CRACDL: variants seen among roughly 807,000 people sequenced by gnomAD.
CRACDL encodes CRACD-like protein.
A neutral mutation model predicts 70.6 loss-of-function variants in CRACDL; 26 were observed. That is an observed-to-expected ratio of 0.37 (90% CI 0.27 to 0.51). The LOEUF (loss-of-function observed/expected upper bound fraction) is 0.51. CRACDL is among the 20% of genes least tolerant of loss of function. CRACDL has a pLI of 0.94. For missense variants in CRACDL, 1,283 were observed against 1,376.9 expected (o/e 0.93, Z 1.08); for synonymous variants, 618 against 615.2 (o/e 1.00, Z -0.07).
chr2:98,871,897 T>A (rs993650717), intron 1 of CRACDL, among the ~76,000 whole-genome samples: 11 of 152,042 alleles, frequency 7.2e-5, no homozygotes, highest in Admixed American at 2.0e-4. Context: ...GAGTATGCAA[T>A]AGCAAAGTCA....
intron 1 of CRACDL, among the ~76,000 whole-genome samples, chr2:98,862,956 C>A (rs1184018113): frequency 1.3e-5 from 2 of 151,906 alleles, no homozygotes; most frequent in African/African-American, 4.8e-5. Context: ...ATACATATAT[C>A]TATATATACA....
chr2:98,819,617 C>A (rs1281001353), intron 7 of CRACDL, among the ~76,000 whole-genome samples: 1 of 152,118 alleles, frequency 6.6e-6, no homozygotes, highest in Non-Finnish European at 1.5e-5. Context: ...CCTTGTGTGT[C>A]ACGTTAGGAA....
rs565509770 is a variant in CRACDL, at chr2:98,832,083, C to A, written c.540+265G>T. ...CTGCTCAGACAGGAAAGTCAAGGGA[C>A]AGGGTTGATTCTGGGTTGATTCTAT... On this transcript the variant is annotated intron_variant, in intron 5 of 9. Coordinates refer to ENST00000397899, the MANE Select transcript of CRACDL (RefSeq NM_207362.3). Among the ~76,000 whole-genome samples the A allele has an allele frequency of 2.6e-5, 4 of 152,288 alleles. No individual in the cohort carries two copies. The South Asian group carries it at 6.2e-4, about 24-fold the overall frequency.
Position 98,822,472 on chromosome 2 carries a change from C to A in CRACDL, c.1801G>T (p.Ala601Ser). 2.0e-6 allele frequency: 3 copies of A among 1,474,364 alleles called. No individual in the cohort carries two copies. Among genetic ancestry groups the A allele is most frequent in the South Asian group, 1.3e-5 (1 of 78,096 alleles). 91.3% of individuals were successfully genotyped at this position (1,474,364 alleles called of 1,614,324 possible). ...LERASGRLPLARSGPVWRSEA... is the reference protein window; with the variant it reads ...LERASGRLPLSRSGPVWRSEA... ...CTCCTCCAGACCGGGCCGCTCCTCG[C>A]GAGGGGCAGGCGGCCGCTGGCCCGT... Residue 601 changes from alanine to serine, a missense_variant, in exon 7 of 10, where the codon GCG (alanine) becomes TCG (serine). Physicochemically the swap from Ala to Ser is moderately conservative, Grantham distance 99. Transcript: ENST00000397899. The surrounding 1 kb of genome is among the most constrained non-coding windows in gnomAD (Gnocchi z 4.9).
chr2:98,838,461 A>G (rs952481897), intron 2 of CRACDL, among the ~76,000 whole-genome samples, 174 bp from the exon 3 acceptor site: 4 of 152,210 alleles, frequency 2.6e-5, no homozygotes, highest in African/African-American at 9.7e-5. Context: ...AGTTTTGCAT[A>G]CCTGAAAACA....
At chr2:98,845,962 G>T (rs1488299180) in intron 2 of CRACDL, among the ~76,000 whole-genome samples, 1 of 152,126 alleles carries the variant, frequency 6.6e-6, no homozygotes, top group Non-Finnish European at 1.5e-5. Flanking sequence ...TAGCAGCTAG[G>T]ATTTAATATT....
chr2:98,870,583 C>T (rs1469862902), intron 1 of CRACDL, among the ~76,000 whole-genome samples: 1 of 152,058 alleles, frequency 6.6e-6, no homozygotes, highest in African/African-American at 2.4e-5. Context: ...GGTGCAGGGG[C>T]CCCTGCAGCA....
At chr2:98,877,143 G>A (rs943697092) in intron 1 of CRACDL, among the ~76,000 whole-genome samples, 18 of 152,170 alleles carry the variant, frequency 1.2e-4, no homozygotes, top group Admixed American at 9.2e-4. Context: ...TTGGCTAGAC[G>A]CTTGCTGCCT....
chr2:98,857,207 A>C (rs1706734045), intron 1 of CRACDL, among the ~76,000 whole-genome samples: 2 of 152,226 alleles, frequency 1.3e-5, no homozygotes, highest in Non-Finnish European at 2.9e-5. Flanking sequence ...CATTGGAGTA[A>C]GAAAATGACA....
chr2:98,832,907 C>T lies in CRACDL; in HGVS notation c.330G>A (p.Arg110=). The change falls in exon 4 of 10, where the codon CGG becomes CGA. Residue 110 remains arginine, a synonymous_variant. Transcript: ENST00000397899. The part of the protein sequence containing the change: ...ESGQDATRPV[R]VFSQENVCDR... The stretch of plus-strand genomic sequence containing the variant: ...CACACACATTTTCTTGGGAAAACAC[C>T]CGCACAGGCCGAGTAGCGTCCTGTC... The T allele has an allele frequency of 6.2e-7, 1 of 1,614,166 alleles. No individual in the cohort carries two copies. The highest frequency in any genetic ancestry group is 1.1e-5 in the South Asian group (1 of 91,072).
chr2:98,820,389 G>A (rs901436062), intron 7 of CRACDL, among the ~76,000 whole-genome samples: 4 of 151,950 alleles, frequency 2.6e-5, no homozygotes, highest in East Asian at 3.9e-4. Flanking sequence ...AAAATTAGCC[G>A]GGTGTAGTAT....
At chr2:98,805,462 C>T (rs952773866) in intron 7 of CRACDL, among the ~76,000 whole-genome samples, 8 of 152,068 alleles carry the variant, frequency 5.3e-5, no homozygotes, top group Non-Finnish European at 7.4e-5. Context: ...CCCTTTCCAC[C>T]GCTTCACTAC....
At chr2:98,848,431 A>T (rs2104540500) in intron 1 of CRACDL, among the ~76,000 whole-genome samples, 1 of 152,234 alleles carries the variant, frequency 6.6e-6, no homozygotes, top group South Asian at 2.1e-4. Context: ...GGAAGAGTGA[A>T]GATGGTGAGG....
intron 5 of CRACDL, among the ~76,000 whole-genome samples, chr2:98,831,969 C>G (rs145818630): frequency 6.6e-6 from 1 of 152,150 alleles, no homozygotes; most frequent in East Asian, 1.9e-4. Context: ...ATGCTCACTA[C>G]TTCCCCCTCC....
intron 1 of CRACDL, among the ~76,000 whole-genome samples, chr2:98,876,923 A>T (rs114768295): frequency 0.018 from 2,702 of 152,320 alleles, 86 homozygotes; most frequent in African/African-American, 0.061. Context: ...GTCTAATGGG[A>T]TTAGTAACCA....
chr2:98,808,388 G>T (rs1704410910), intron 7 of CRACDL, among the ~76,000 whole-genome samples: 1 of 152,166 alleles, frequency 6.6e-6, no homozygotes, highest in Admixed American at 6.5e-5. Flanking sequence ...CCAGGTGACC[G>T]CAAGTTGCAG....
At chr2:98,881,647 G>A (rs2104616752) in intron 1 of CRACDL, among the ~76,000 whole-genome samples, 1 of 152,294 alleles carries the variant, frequency 6.6e-6, no homozygotes. Context: ...GCCTTCAGCT[G>A]GGGCGCCATG....
At chr2:98,840,445 G>T (rs1705977369) in intron 2 of CRACDL, among the ~76,000 whole-genome samples, 1 of 151,948 alleles carries the variant, frequency 6.6e-6, no homozygotes, top group African/African-American at 2.4e-5. Context: ...AAATGTTCCT[G>T]GTGTGCTTGA....
At position 98,823,741 on chromosome 2, in the gene CRACDL, G is replaced by A. The variant is rs1311711571; in HGVS notation, c.736-204C>T. On this transcript the variant is annotated intron_variant, in intron 6 of 9. Coordinates refer to ENST00000397899, the MANE Select transcript of CRACDL (RefSeq NM_207362.3). This position sits in a 1 kb window ranked among gnomAD's most constrained non-coding sequence, Gnocchi z 4.0. ...GGCTCACAAGTTTATCAGGACAATG[G>A]CAGATATGCCTCCAAAGTAAATGTC... 2.0e-5 allele frequency among the ~76,000 whole-genome samples: 3 copies of A among 152,162 alleles called. No homozygotes were observed. The highest frequency in any genetic ancestry group is 4.4e-5 in the Non-Finnish European group (3 of 68,030).
Sources: allele counts gnomAD v4.1 joint callset (sites outside exome capture counted in the v4.1 genomes callset), GRCh38; gene constraint gnomAD v4.1.1; non-coding constraint Gnocchi (gnomAD v3.1); transcripts MANE v1.5; gene names NCBI Gene and HGNC (gene_info 2026-07-23, HGNC 2026-07-21).